Variants in SP100 observed in about 807,000 individuals in gnomAD.
The protein encoded by SP100 is SP100 nuclear body protein.
SP100 carries 84 observed loss-of-function variants against 130.0 expected under a neutral mutation model. The ratio of observed to expected loss-of-function variants is 0.65; its 90% CI spans 0.54 to 0.77. The LOEUF (loss-of-function observed/expected upper bound fraction) is 0.77. Ranked by LOEUF, SP100 falls within the 30% of genes least tolerant of loss-of-function variation. The pLI, the probability that SP100 is intolerant of heterozygous loss-of-function variation, is 0.00. For missense variants in SP100, 978 were observed against 1,052.2 expected, an observed-to-expected ratio of 0.93 and a Z score of 0.97; for synonymous variants, 331 against 351.7, an observed-to-expected ratio of 0.94 and a Z score of 0.66.
At chr2:230,420,492 C>G (rs565724101) in intron 2 of SP100, among the ~76,000 whole-genome samples, 1 of 152,054 alleles carries the variant, frequency 6.6e-6, no homozygotes, top group Non-Finnish European at 1.5e-5. Context: ...AAGGGGAATA[C>G]TTATAATGTT....
intron 12 of SP100, 53 bp from the exon 13 acceptor site, chr2:230,467,067 G>C (rs572270571): frequency 2.3e-5 from 27 of 1,186,810 alleles, no homozygotes; most frequent in Non-Finnish European, 3.3e-5. Flanking sequence ...ATTCTGACTT[G>C]GTTCCCTTAT....
At chr2:230,515,811 GC>G (rs570654827) in intron 24 of SP100, 957 of 1,429,518 alleles carry the variant, frequency 6.7e-4, no homozygotes, top group Non-Finnish European at 8.2e-4. Flanking sequence ...TCTTCAGATA[GC>G]CCTGTCCTGG....
At chr2:230,422,425 T>C (rs2062794123) in intron 2 of SP100, among the ~76,000 whole-genome samples, 1 of 152,214 alleles carries the variant, frequency 6.6e-6, no homozygotes, top group African/African-American at 2.4e-5. Flanking sequence ...TCTCATTGAC[T>C]GTGCCTCATT....
At chr2:230,456,803 T>C (rs1472908982) in intron 8 of SP100, among the ~76,000 whole-genome samples, 1 of 152,216 alleles carries the variant, frequency 6.6e-6, no homozygotes, top group African/African-American at 2.4e-5. Flanking sequence ...ATTTTGGTCA[T>C]TTATTGTCTC....
chr2:230,417,467 T>C, intron 1 of SP100, 124 bp from the exon 2 acceptor site: 1 of 1,225,972 alleles, frequency 8.2e-7, no homozygotes, highest in Non-Finnish European at 1.1e-6. Flanking sequence ...TAACAATGAT[T>C]ATATATTTCT....
At position 230,467,099 on chromosome 2, in the gene SP100, G is replaced by A. The variant is rs371089359; in HGVS notation, c.1196-21G>A. 22 of 1,550,254 alleles carry A rather than the reference G, an allele frequency of 1.4e-5. No homozygotes were observed. In the African/African-American group the frequency reaches 2.6e-4, roughly 18 times the overall value. The stretch of plus-strand genomic sequence containing the variant: ...TTATCATACATTGAGAGCTCCAAAG[G>A]ACATTTGCTCCTTTCTGCAGTGATA... On this transcript the variant is annotated intron_variant, in intron 12 of 28. Transcript: ENST00000340126.
At chr2:230,430,950 G>A (rs1452784795) in intron 2 of SP100, among the ~76,000 whole-genome samples, 1 of 152,244 alleles carries the variant, frequency 6.6e-6, no homozygotes, top group African/African-American at 2.4e-5. Context: ...ATCTGAGGCT[G>A]GGCAGAATTT....
chr2:230,529,422 T>A (rs887511044), intron 24 of SP100, among the ~76,000 whole-genome samples: 1 of 152,178 alleles, frequency 6.6e-6, no homozygotes, highest in Non-Finnish European at 1.5e-5. Flanking sequence ...ATTGATGGAA[T>A]GTATCTCAAA....
intron 24 of SP100, 25 bp downstream of exon 24, chr2:230,511,191 C>T (rs1210167748): frequency 6.4e-7 from 1 of 1,557,060 alleles, no homozygotes; most frequent in South Asian, 1.1e-5. Flanking sequence ...CCGACTATGA[C>T]CCCAAAATAA....
intron 19 of SP100, among the ~76,000 whole-genome samples, chr2:230,499,929 G>A (rs910556073): frequency 1.7e-4 from 26 of 152,094 alleles, no homozygotes; most frequent in Non-Finnish European, 3.4e-4. Flanking sequence ...CTGGAGGTGG[G>A]GAAGGCTGAT....
At chr2:230,539,167 A>G (rs1402286470) in intron 24 of SP100, 100 bp from the exon 25 acceptor site, 1 of 719,766 alleles carries the variant, frequency 1.4e-6, no homozygotes. Context: ...TATTTTGAGG[A>G]CAGAAATTTA....
At chr2:230,519,928 A>G (rs186156911) in intron 24 of SP100, among the ~76,000 whole-genome samples, 1 of 152,340 alleles carries the variant, frequency 6.6e-6, no homozygotes, top group African/African-American at 2.4e-5. Context: ...AGTGTTACAC[A>G]TCAAACCAGC....
In SP100 at chr2:230,470,002, T is replaced by A. The variant is rs200289834; in HGVS notation, c.1346-13T>A. ...AGACTAAGACTGTTAAGGAATTTTATTTTTTTCTGCAGGTTTCAGCAGTAG... is the reference window on the plus strand; with the variant it reads ...AGACTAAGACTGTTAAGGAATTTTAATTTTTTCTGCAGGTTTCAGCAGTAG... On this transcript the variant is annotated splice_polypyrimidine_tract_variant and intron_variant, in intron 14 of 28. Transcript: ENST00000340126. 2.6e-4 allele frequency: 417 copies of A among 1,608,702 alleles called. No individual in the cohort carries two copies. The highest frequency in any genetic ancestry group is 1.5e-4 in the Non-Finnish European group (176 of 1,177,172).
intron 18 of SP100, among the ~76,000 whole-genome samples, chr2:230,497,978 T>C (rs973487215): frequency 1.3e-5 from 2 of 152,222 alleles, no homozygotes; most frequent in Non-Finnish European, 2.9e-5. Flanking sequence ...ATTGCTGCCA[T>C]TGATTTCTGC....
chr2:230,470,134 G>T, intron 15 of SP100, 36 bp downstream of exon 15: 1 of 1,574,338 alleles, frequency 6.4e-7, no homozygotes, highest in South Asian at 1.2e-5. Context: ...TTGGCCTGCA[G>T]AATGTCAGGA....
intron 21 of SP100, 104 bp from the exon 22 acceptor site, chr2:230,506,199 T>C: frequency 8.1e-7 from 1 of 1,229,062 alleles, no homozygotes; most frequent in South Asian, 1.4e-5. Context: ...ACTTTACTGC[T>C]ACGATCCTAA....
chr2:230,509,730 A>G (rs954544781), intron 23 of SP100: 2 of 152,198 alleles, frequency 1.3e-5, no homozygotes, highest in African/African-American at 4.8e-5. Context: ...TTTCCTGCTT[A>G]TAAGTTTTTT....
chr2:230,478,413 C>T (rs1051078649), intron 17 of SP100, among the ~76,000 whole-genome samples: 1 of 152,158 alleles, frequency 6.6e-6, no homozygotes, highest in African/African-American at 2.4e-5. Flanking sequence ...GGGATTATTA[C>T]AAGACCTCTT....
At chr2:230,459,797 T>C (rs1364463525) in intron 8 of SP100, among the ~76,000 whole-genome samples, 1 of 152,224 alleles carries the variant, frequency 6.6e-6, no homozygotes, top group Non-Finnish European at 1.5e-5. Context: ...CCAGTCTTGC[T>C]CCTCTCAAGT....
Sources: allele counts gnomAD v4.1 joint callset (sites outside exome capture counted in the v4.1 genomes callset), GRCh38; gene constraint gnomAD v4.1.1; transcripts MANE v1.5; gene names NCBI Gene and HGNC (gene_info 2026-07-23, HGNC 2026-07-21).